PIN4: variants seen among roughly 807,000 people sequenced by gnomAD.
PIN4 encodes peptidylprolyl cis/trans isomerase, NIMA-interacting 4, also known as peptidyl-prolyl cis-trans isomerase NIMA-interacting 4.
In PIN4, 3 loss-of-function variants were observed where a neutral mutation model predicts 8.3. That is an observed-to-expected ratio of 0.36 (90% CI 0.16 to 0.93). PIN4 has a LOEUF of 0.93. Among genes scored for constraint, PIN4 ranks in the 40% least tolerant of loss-of-function variants. The pLI is 0.44. For missense variants in PIN4, 75 were observed against 100.6 expected, an observed-to-expected ratio of 0.75 and a Z score of 1.09; for synonymous variants, 18 against 32.5, an observed-to-expected ratio of 0.55 and a Z score of 1.52.
chrX:72,185,830 A>G (rs757425637), intron 1 of PIN4, among the ~76,000 whole-genome samples: 1 of 112,695 alleles, frequency 8.9e-6, no homozygotes, highest in South Asian at 3.6e-4. Flanking sequence ...GATCTTTTTA[A>G]AAAATGTATT....
intron 3 of PIN4, chrX:72,208,465 T>C (rs2042833867): frequency 8.3e-7 from 1 of 1,211,883 alleles, no homozygotes; most frequent in East Asian, 3.0e-5. Flanking sequence ...TATGCCTTCC[T>C]TCTGGTGCTC....
At chrX:72,205,993 T>C in intron 3 of PIN4, 1 of 1,211,569 alleles carries the variant, frequency 8.3e-7, no homozygotes, top group South Asian at 1.8e-5. Context: ...CAGTGCACTA[T>C]GGGATGCTGA....
intron 1 of PIN4, among the ~76,000 whole-genome samples, chrX:72,185,147 C>CA (rs746215043): frequency 0.15 from 3,658 of 24,452 alleles, 492 homozygotes; most frequent in East Asian, 0.65. Flanking sequence ...GACTCCGTCT[C>CA]AAAAAAAAAA....
intron 3 of PIN4, among the ~76,000 whole-genome samples, chrX:72,244,456 A>T (rs2043060251): frequency 1.8e-5 from 2 of 111,844 alleles, no homozygotes; most frequent in African/African-American, 6.5e-5. Context: ...AGAGGGCTTG[A>T]TGTGTATGAA....
intron 3 of PIN4, among the ~76,000 whole-genome samples, chrX:72,250,783 A>G (rs1294792156): frequency 5.5e-5 from 5 of 90,262 alleles, no homozygotes; most frequent in Non-Finnish European, 1.1e-4. Context: ...TCTGTCACCC[A>G]GGCTGGAGTG....
intron 3 of PIN4, among the ~76,000 whole-genome samples, chrX:72,223,366 G>C (rs1027367996): frequency 1.9e-5 from 2 of 104,014 alleles, no homozygotes; most frequent in African/African-American, 7.0e-5. Flanking sequence ...ATTAGAGGAA[G>C]GTCCCCAAAC....
At chrX:72,239,173 C>T (rs996054919) in intron 3 of PIN4, 5 of 369,520 alleles carry the variant, frequency 1.4e-5, no homozygotes, top group Non-Finnish European at 2.4e-5. Context: ...AGAAGGTGAT[C>T]TCTGCCTTCG....
intron 2 of PIN4, among the ~76,000 whole-genome samples, chrX:72,190,952 CAA>C (rs764925791): frequency 2.1e-4 from 13 of 61,000 alleles, no homozygotes; most frequent in Admixed American, 8.1e-4. Context: ...GACTCCATCT[CAA>C]AAAAAAAAAA....
chrX:72,229,228 G>A (rs1602450392), intron 3 of PIN4, among the ~76,000 whole-genome samples: 1 of 110,954 alleles, frequency 9.0e-6, no homozygotes, highest in South Asian at 3.8e-4. Flanking sequence ...CAACGCAACC[G>A]TACTATCATT....
intron 3 of PIN4, among the ~76,000 whole-genome samples, chrX:72,262,010 C>T (rs2043141901): frequency 9.0e-6 from 1 of 111,016 alleles, no homozygotes; most frequent in African/African-American, 3.3e-5. Flanking sequence ...ATGCTTAAGT[C>T]AGCTCAAGGC....
chrX:72,240,736 G>A (rs905382792), intron 3 of PIN4, among the ~76,000 whole-genome samples: 7 of 107,244 alleles, frequency 6.5e-5, no homozygotes, highest in Admixed American at 3.0e-4. Context: ...GGAGGCAGAC[G>A]TTGCAGTGAG....
Position 72,211,788 on chromosome X carries a change from T to TA in PIN4, c.312+14895dup, listed in dbSNP as rs1218078276. Among the ~76,000 whole-genome samples, 170 of 98,121 alleles carry TA rather than the reference T, an allele frequency of 1.7e-3. 1 individual carries two copies. Among genetic ancestry groups the TA allele is most frequent in the African/African-American group, 4.6e-3 (124 of 26,988 alleles). The allele number at this position is 98,121 out of a possible 115,157, so 85.2% of individuals were successfully genotyped here. ...GACAGAGCAAGACCCGTTTCAAAAA[T>TA]AAAAAAAAAAAGAAATATTATATAC... On this transcript the variant is annotated intron_variant, in intron 3 of 3. Transcript: ENST00000423432.
intron 3 of PIN4, among the ~76,000 whole-genome samples, chrX:72,214,414 A>C (rs1305999373): frequency 2.7e-5 from 3 of 112,004 alleles, no homozygotes; most frequent in African/African-American, 9.7e-5. Flanking sequence ...CAAAAACTGG[A>C]AACAACCCCA....
At chrX:72,213,352 A>T (rs992970603) in intron 3 of PIN4, among the ~76,000 whole-genome samples, 4 of 112,028 alleles carry the variant, frequency 3.6e-5, no homozygotes, top group Non-Finnish European at 5.6e-5. Context: ...GTCAAATCAT[A>T]TATCGCCCGA....
chrX:72,245,907 G>A (rs2043065874), intron 3 of PIN4, among the ~76,000 whole-genome samples: 1 of 111,287 alleles, frequency 9.0e-6, no homozygotes, highest in African/African-American at 3.3e-5. Flanking sequence ...GGGTGAAGTG[G>A]GCACCAAAGG....
intron 3 of PIN4, among the ~76,000 whole-genome samples, chrX:72,254,588 C>A (rs764959770): frequency 8.9e-6 from 1 of 112,207 alleles, no homozygotes; most frequent in African/African-American, 3.2e-5. Context: ...TTTTCAAAGC[C>A]TTCACCTGGT....
At chrX:72,181,989 C>T (rs1326856449) in intron 1 of PIN4, 161 bp downstream of exon 1, 1 of 475,763 alleles carries the variant, frequency 2.1e-6, no homozygotes, top group Non-Finnish European at 3.8e-6. Context: ...GGCTACGGTT[C>T]AGGGACCGTC....
At chrX:72,203,066 G>A (rs953641016), downstream of PIN4, among the ~76,000 whole-genome samples, 3 of 111,303 alleles carry the variant, frequency 2.7e-5, no homozygotes, top group Admixed American at 9.6e-5. Flanking sequence ...GAGGGGAGAG[G>A]GGCTGAAGAT....
chrX:72,206,984 A>G lies in PIN4; in HGVS notation c.312+10080A>G. The G allele has an allele frequency of 2.5e-6, 3 of 1,211,157 alleles. No homozygotes were observed. Among genetic ancestry groups the G allele is most frequent in the Non-Finnish European group, 3.4e-6 (3 of 895,314 alleles). On this transcript the variant is annotated intron_variant, in intron 3 of 3. Coordinates refer to the PIN4 transcript ENST00000423432. ...GAGTCCTTGAAAACCTGTCTTCTGT[A>G]TATTTTTTCCTCTACAGTCCCACAA...
Sources: allele counts gnomAD v4.1 joint callset (sites outside exome capture counted in the v4.1 genomes callset), GRCh38; gene constraint gnomAD v4.1.1; transcripts MANE v1.5; gene names NCBI Gene and HGNC (gene_info 2026-07-23, HGNC 2026-07-21).